The following BLMH variants were observed in gnomAD, a reference collection of about 807,000 sequenced individuals.
BLMH encodes bleomycin hydrolase.
Under a neutral mutation model 61.6 loss-of-function variants are expected in BLMH, and 32 were observed. The observed-to-expected ratio is 0.52, with a 90% CI of 0.39 to 0.70. BLMH has a LOEUF of 0.70. Among genes scored for constraint, BLMH ranks in the 30% least tolerant of loss-of-function variants. The probability of loss-of-function intolerance (pLI) is 0.00; values close to 1 mark genes in which losing one functional copy is unlikely to be tolerated. For synonymous variants in BLMH, 183 were observed against 193.8 expected (o/e 0.94, Z 0.46); for missense variants, 460 against 555.5 (o/e 0.83, Z 1.73).
At chr17:30,277,787 T>C (rs187621832) in intron 6 of BLMH, among the ~76,000 whole-genome samples, 1 of 152,356 alleles carries the variant, frequency 6.6e-6, no homozygotes, top group Non-Finnish European at 1.5e-5. Flanking sequence ...CCAAATACAT[T>C]AGAGGAAATA....
chr17:30,255,264 C>T (rs559492043), intron 11 of BLMH, among the ~76,000 whole-genome samples: 18 of 152,088 alleles, frequency 1.2e-4, no homozygotes, highest in Non-Finnish European at 2.4e-4. Context: ...GTAACAACTG[C>T]CTAGAGTATT....
At chr17:30,256,139 G>A (rs1907808349) in intron 11 of BLMH, among the ~76,000 whole-genome samples, 1 of 152,056 alleles carries the variant, frequency 6.6e-6, no homozygotes, top group Admixed American at 6.5e-5. Flanking sequence ...CTCCTGTTTT[G>A]GCCTCCCAAA....
At chr17:30,258,454 G>A (rs1050431170) in intron 11 of BLMH, among the ~76,000 whole-genome samples, 9 of 152,130 alleles carry the variant, frequency 5.9e-5, no homozygotes, top group South Asian at 2.1e-4. Flanking sequence ...AGAAGGTACC[G>A]TTTCCCTAGT....
rs150484910 is a variant in BLMH, at chr17:30,273,959, T to C, written c.801+83A>G. On this transcript the variant is annotated intron_variant, in intron 7 of 11. Coordinates refer to ENST00000261714, the MANE Select transcript of BLMH (RefSeq NM_000386.4). Reference sequence around the variant, plus strand: ...TGTCTAGTTTGATACTCATACATGCTAACCAAGAATCTTATACAATTCCCT... The same window carrying C: ...TGTCTAGTTTGATACTCATACATGCCAACCAAGAATCTTATACAATTCCCT... 9.9e-4 allele frequency: 1,522 copies of C among 1,530,628 alleles called. 8 individuals are homozygous for C. The highest frequency in any genetic ancestry group is 6.3e-3 in the African/African-American group (455 of 72,210). The allele number at this position is 1,530,628 out of a possible 1,614,324, so 94.8% of individuals were successfully genotyped here. A position where few individuals can be genotyped will look rare whatever the true frequency, so the allele number is the denominator to read the frequency against.
intron 11 of BLMH, among the ~76,000 whole-genome samples, chr17:30,251,185 G>T (rs1050074276): frequency 6.6e-6 from 1 of 151,906 alleles, no homozygotes; most frequent in Admixed American, 6.6e-5. Flanking sequence ...CACCACTAAA[G>T]AACTTATCCA....
Position 30,291,386 on chromosome 17 carries a change from C to A in BLMH, c.136G>T (p.Val46Leu), listed in dbSNP as rs772587713. 24 of 1,613,926 alleles carry A rather than the reference C, an allele frequency of 1.5e-5. 1 individual carries two copies. The South Asian group carries it at 2.5e-4, about 17-fold the overall frequency. The change falls in exon 2 of 12, where the codon GTG (valine) becomes TTG (leucine). Residue 46 changes from valine (V) to leucine (L), a missense_variant. Physicochemically the swap from Val to Leu is conservative, Grantham distance 32 (BLOSUM62 1). Coordinates refer to ENST00000261714, the MANE Select transcript of BLMH (RefSeq NM_000386.4). ...TGGAACACATGCTGCGCGCGCTGCACCGTGGCCCGCTTCAGACAGATGTCC... is the reference window on the plus strand; with the variant it reads ...TGGAACACATGCTGCGCGCGCTGCAACGTGGCCCGCTTCAGACAGATGTCC... ...LLDICLKRAT[V>L]QRAQHVFQHA...
intron 11 of BLMH, among the ~76,000 whole-genome samples, chr17:30,257,953 G>A (rs927021841): frequency 6.6e-6 from 1 of 152,006 alleles, no homozygotes; most frequent in East Asian, 1.9e-4. Context: ...TCAACAAACA[G>A]GAACCCTATT....
At chr17:30,253,279 A>C (rs537099958) in intron 11 of BLMH, among the ~76,000 whole-genome samples, 1 of 152,360 alleles carries the variant, frequency 6.6e-6, no homozygotes, top group East Asian at 1.9e-4. Context: ...GTACATCTAC[A>C]CTATCTTGTT....
Position 30,257,622 on chromosome 17 carries a change from A to G in BLMH, c.1217-8454T>C, listed in dbSNP as rs55686132. ...TTAAAAGAATTACACTTTAGAAAACAAAACAAAAAAATACACACATATATA... is the reference window on the plus strand; with the variant it reads ...TTAAAAGAATTACACTTTAGAAAACGAAACAAAAAAATACACACATATATA... On this transcript the variant is annotated intron_variant, in intron 11 of 11. Transcript: ENST00000261714. 4.6e-3 allele frequency among the ~76,000 whole-genome samples: 708 copies of G among 152,338 alleles called. 5 individuals are homozygous for G. The highest frequency in any genetic ancestry group is 0.016 in the African/African-American group (663 of 41,576).
rs1597663338 is a variant in BLMH at position 30,274,035 on chromosome 17, C to A, written c.801+7G>T. 6.2e-7 allele frequency: 1 copy of A among 1,614,108 alleles called. No individual in the cohort carries two copies. The highest frequency in any genetic ancestry group is 2.2e-5 in the East Asian group (1 of 44,880). On this transcript the variant is annotated splice_region_variant and intron_variant, in intron 7 of 11. Transcript: ENST00000261714. ...ACAGCCAGTGACTACCAGTGCCATT[C>A]ACCAACCTTATCTTCCATATTGAAG...
chr17:30,279,809 T>TA (rs1176020333), intron 6 of BLMH, among the ~76,000 whole-genome samples: 2 of 151,848 alleles, frequency 1.3e-5, no homozygotes, highest in African/African-American at 2.4e-5. Context: ...CTCAAAAAAA[T>TA]AAAAAAACAA....
intron 11 of BLMH, among the ~76,000 whole-genome samples, chr17:30,261,425 T>A (rs1245673080): frequency 6.6e-6 from 1 of 152,250 alleles, no homozygotes; most frequent in African/African-American, 2.4e-5. Flanking sequence ...TGTAGCTTTA[T>A]GTCCTGAGTA....
chr17:30,262,858 AC>A (rs1276042149), intron 11 of BLMH, among the ~76,000 whole-genome samples: 1 of 152,228 alleles, frequency 6.6e-6, no homozygotes, highest in Non-Finnish European at 1.5e-5. Flanking sequence ...AGCAGCATGG[AC>A]AAAATTCAGG....
rs1567833873 is a variant in BLMH, at chr17:30,266,538, A to AT, written c.1216+346_1216+347insA. Reference sequence around the variant, plus strand: ...AGACTCTGTCCAAAAAAAAAAAAAAAGAAAAAAAAAAGAAAAAGAAAATGC... The same window carrying AT: ...AGACTCTGTCCAAAAAAAAAAAAAAATGAAAAAAAAAAGAAAAAGAAAATGC... On this transcript the variant is annotated intron_variant, in intron 11 of 11. Coordinates refer to ENST00000261714, the MANE Select transcript of BLMH (RefSeq NM_000386.4). Among the ~76,000 whole-genome samples the AT allele has an allele frequency of 3.3e-5, 5 of 149,466 alleles. 1 individual carries two copies. Among genetic ancestry groups the AT allele is most frequent in the Admixed American group, 3.3e-4 (5 of 15,046 alleles).
intron 2 of BLMH, chr17:30,291,086 G>C: frequency 1.7e-6 from 1 of 580,896 alleles, no homozygotes; most frequent in Non-Finnish European, 3.1e-6. Context: ...GTATACTCAT[G>C]GACATGTCAC....
rs375335286 is a variant in BLMH, at chr17:30,272,563, A to G, written c.1026T>C (p.Asn342=). 6.2e-7 allele frequency: 1 copy of G among 1,614,062 alleles called. No homozygotes were observed. The highest frequency in any genetic ancestry group is 1.3e-5 in the African/African-American group (1 of 74,944). Residue 342 remains asparagine (N), a splice_region_variant and synonymous_variant, in exon 9 of 12, where the codon AAT becomes AAC. Coordinates refer to ENST00000261714, the MANE Select transcript of BLMH (RefSeq NM_000386.4). ...CATTTTAAATTTCCTGCACTCACAG[A>G]TTCATGTCACTGAGGCCCAGCTTGC... ...FNSKLGLSDM[N]LYDHELVFGV...
At position 30,252,402 on chromosome 17, in the gene BLMH, A is replaced by G. The variant is rs148894198; in HGVS notation, c.1217-3234T>C. Among the ~76,000 whole-genome samples the G allele has an allele frequency of 4.3e-3, 656 of 152,070 alleles. 3 individuals carry two copies. The highest frequency in any genetic ancestry group is 6.0e-3 in the Non-Finnish European group (411 of 67,992). On this transcript the variant is annotated intron_variant, in intron 11 of 11. Coordinates refer to ENST00000261714, the MANE Select transcript of BLMH (RefSeq NM_000386.4). ...GTGGCATAGCATACGTTTACCCTCAAAAACACTGTGGAGGCCAGGTGCAGT... is the reference window on the plus strand; with the variant it reads ...GTGGCATAGCATACGTTTACCCTCAGAAACACTGTGGAGGCCAGGTGCAGT...
At chr17:30,274,818 A>G (rs562318229) in intron 6 of BLMH, among the ~76,000 whole-genome samples, 1 of 152,128 alleles carries the variant, frequency 6.6e-6, no homozygotes, top group Non-Finnish European at 1.5e-5. Context: ...CTCATCTTAA[A>G]AAAGAAAAAA....
chr17:30,290,079 CAAG>C (rs908668080), intron 2 of BLMH, among the ~76,000 whole-genome samples: 8 of 152,136 alleles, frequency 5.3e-5, no homozygotes, highest in African/African-American at 9.6e-5. Flanking sequence ...AATTTTGTAA[CAAG>C]AAGAAAACTC....
Sources: gnomAD v4.1 joint callset for allele counts (sites outside exome capture counted in the v4.1 genomes callset) on GRCh38, gnomAD v4.1.1 for gene constraint, MANE v1.5 for transcripts, NCBI Gene and HGNC (gene_info 2026-07-23, HGNC 2026-07-21) for gene names.